VAV2: variants seen among roughly 807,000 people sequenced by gnomAD.
The protein encoded by VAV2 is guanine nucleotide exchange factor VAV2.
A neutral mutation model predicts 132.5 loss-of-function variants in VAV2; 67 were observed. That is an observed-to-expected ratio of 0.51 (90% CI 0.42 to 0.62). The LOEUF is 0.62. Ranked by LOEUF, VAV2 falls within the 20% of genes least tolerant of loss-of-function variation. VAV2 has a pLI of 0.00. For missense variants in VAV2, 938 were observed against 1,153.6 expected, an observed-to-expected ratio of 0.81 and a Z score of 2.71; for synonymous variants, 492 against 443.5, an observed-to-expected ratio of 1.11 and a Z score of -1.37.
chr9:133,836,210 T>A (rs1274969999), intron 3 of VAV2, among the ~76,000 whole-genome samples: 2 of 152,188 alleles, frequency 1.3e-5, no homozygotes, highest in African/African-American at 4.8e-5. Flanking sequence ...TGGAGGGGAC[T>A]GGCCCACACG....
At chr9:133,937,743 C>G (rs1031024064) in intron 2 of VAV2, among the ~76,000 whole-genome samples, 16 of 152,318 alleles carry the variant, frequency 1.1e-4, no homozygotes, top group African/African-American at 3.6e-4. Context: ...ATTCAAGCCT[C>G]CCTGACTCCA....
chr9:133,844,249 T>G (rs1412209791), intron 3 of VAV2, among the ~76,000 whole-genome samples: 4 of 152,178 alleles, frequency 2.6e-5, no homozygotes, highest in Non-Finnish European at 4.4e-5. Context: ...CCAACACGCT[T>G]CTCGTAAGGG....
At chr9:133,792,689 C>CA (rs55644612) in intron 12 of VAV2, among the ~76,000 whole-genome samples, 1 of 109,218 alleles carries the variant, frequency 9.2e-6, no homozygotes. Flanking sequence ...CCCCCCCCCC[C>CA]ACCCCCCACC....
intron 9 of VAV2, among the ~76,000 whole-genome samples, chr9:133,801,382 G>T (rs1313560308): frequency 6.6e-6 from 1 of 152,228 alleles, no homozygotes; most frequent in Non-Finnish European, 1.5e-5. Flanking sequence ...TTCTGAGGTC[G>T]CCCAAGAAGG....
rs146134259 is a variant in VAV2, at chr9:133,938,677, G to A, written c.321+426C>T. On this transcript the variant is annotated intron_variant, in intron 2 of 29. Transcript: ENST00000371850. ...TCCATTTACAGAGCACACAGTAGGC[G>A]CTTTCCCCTCCTCATCTCCCCAGCC... Among the ~76,000 whole-genome samples, 432 of 152,118 alleles carry A rather than the reference G, an allele frequency of 2.8e-3. 4 individuals are homozygous for A. Among genetic ancestry groups the A allele is most frequent in the African/African-American group, 0.01 (418 of 41,494 alleles).
In VAV2 at chr9:133,855,462, G is replaced by A. The variant is rs190714725; in HGVS notation, c.380+5912C>T. On this transcript the variant is annotated intron_variant, in intron 3 of 29. Transcript: ENST00000371850. The stretch of plus-strand genomic sequence containing the variant: ...TTATCAGGGCCAGCCAGCAAGGCAC[G>A]GGGTTCCAGTGCTCTCCCGGCCACT... Among the ~76,000 whole-genome samples, 12 of 152,362 alleles carry A rather than the reference G, an allele frequency of 7.9e-5. No homozygotes were observed. In the East Asian group the frequency reaches 1.5e-3, roughly 20 times the overall value.
At chr9:133,778,968 C>T in intron 21 of VAV2, 79 bp from the exon 22 acceptor site, 2 of 1,564,694 alleles carry the variant, frequency 1.3e-6, no homozygotes, top group Admixed American at 1.7e-5. Flanking sequence ...GCAGCCCACC[C>T]CATCACCAAG....
chr9:133,842,693 T>C (rs60386803), intron 3 of VAV2, among the ~76,000 whole-genome samples: 13,997 of 152,218 alleles, frequency 0.092, 1,395 homozygotes, highest in African/African-American at 0.25. Context: ...GAGGGCCAGG[T>C]GCTGGCCTGG....
At chr9:133,801,564 T>G (rs975929449) in intron 9 of VAV2, among the ~76,000 whole-genome samples, 1 of 152,156 alleles carries the variant, frequency 6.6e-6, no homozygotes, top group South Asian at 2.1e-4. Flanking sequence ...TGCCAGCACC[T>G]GCACACCCCT....
Position 133,802,465 on chromosome 9 carries a change from G to C in VAV2, c.836+3616C>G, listed in dbSNP as rs771102444. 2.0e-5 allele frequency among the ~76,000 whole-genome samples: 3 copies of C among 149,414 alleles called. No homozygotes were observed. The highest frequency in any genetic ancestry group is 4.4e-5 in the Non-Finnish European group (3 of 67,552). On this transcript the variant is annotated intron_variant, in intron 9 of 29. Coordinates refer to ENST00000371850, the MANE Select transcript of VAV2 (RefSeq NM_001134398.2). This position sits in a 1 kb window ranked among gnomAD's most constrained non-coding sequence, Gnocchi z 5.8. ...TGGAGAAAGTTGTTCAGGCGCAAAT[G>C]ATTTCTGTCCTGATAGAGGACATGG... is the stretch of plus-strand genomic sequence containing the variant.
rs1313342488 is a variant in VAV2, at chr9:133,919,493, C to T, written c.321+19610G>A. ...TGTCCCGGCTCCCAGCCCAGGGACT[C>T]ACTGTCCCCCGGGGCCAGGTCGGCT... On this transcript the variant is annotated intron_variant, in intron 2 of 29. Transcript: ENST00000371850. This position sits in a 1 kb window ranked among gnomAD's most constrained non-coding sequence, Gnocchi z 5.8. Among the ~76,000 whole-genome samples, 2 of 152,184 alleles carry T rather than the reference C, an allele frequency of 1.3e-5. No individual in the cohort carries two copies. Among genetic ancestry groups the T allele is most frequent in the African/African-American group, 4.8e-5 (2 of 41,442 alleles).
chr9:133,783,377 A>G, intron 19 of VAV2, 126 bp downstream of exon 19: 1 of 847,996 alleles, frequency 1.2e-6, no homozygotes, highest in Non-Finnish European at 2.0e-6. Context: ...GCACGTGAGC[A>G]CTGGTGCCCT....
Position 133,871,512 on chromosome 9 carries a change from G to C in VAV2, c.322-10080C>G. ...TGGATGGATGGATGGATGGATGGAT[G>C]GATGGTGGGTAGATGGATGCCGACT... On this transcript the variant is annotated intron_variant, in intron 2 of 29. Transcript: ENST00000371850. Among the ~76,000 whole-genome samples the C allele has an allele frequency of 1.3e-5, 2 of 149,200 alleles. 1 individual carries two copies. Among genetic ancestry groups the C allele is most frequent in the Non-Finnish European group, 2.9e-5 (2 of 67,884 alleles).
intron 4 of VAV2, among the ~76,000 whole-genome samples, chr9:133,818,317 G>C (rs1048794995): frequency 9.4e-5 from 14 of 148,790 alleles, no homozygotes; most frequent in African/African-American, 3.2e-4. Context: ...AGTGAGGTGA[G>C]ATCGCGCCAC....
At chr9:133,983,785 C>T (rs1448277650) in intron 1 of VAV2, among the ~76,000 whole-genome samples, 2 of 151,578 alleles carry the variant, frequency 1.3e-5, no homozygotes, top group African/African-American at 2.4e-5. Flanking sequence ...ACAGCCAGGG[C>T]TCCCACCCCA....
At chr9:133,892,725 G>T (rs746716393) in intron 2 of VAV2, among the ~76,000 whole-genome samples, 1 of 152,170 alleles carries the variant, frequency 6.6e-6, no homozygotes, top group Non-Finnish European at 1.5e-5. Flanking sequence ...CTGAGCTGCA[G>T]GGCTAGAGGG....
At chr9:133,815,007 G>A (rs1333581362) in intron 4 of VAV2, among the ~76,000 whole-genome samples, 2 of 152,150 alleles carry the variant, frequency 1.3e-5, no homozygotes, top group East Asian at 3.9e-4. Flanking sequence ...GGAAATACAG[G>A]ATACGATCCA....
chr9:133,766,966 T>G (rs986938656), intron 29 of VAV2, among the ~76,000 whole-genome samples: 7 of 151,674 alleles, frequency 4.6e-5, no homozygotes, highest in African/African-American at 1.7e-4. Flanking sequence ...TAACCTCTAG[T>G]CTAAGGTTAC....
At position 133,939,043 on chromosome 9, in the gene VAV2, T is replaced by G. The variant is rs866293548; in HGVS notation, c.321+60A>C. 5 of 1,514,748 alleles carry G rather than the reference T, an allele frequency of 3.3e-6. No homozygotes were observed. The East Asian group carries it at 1.1e-4, about 34-fold the overall frequency. The allele number at this position is 1,514,748 out of a possible 1,614,324, so 93.8% of individuals were successfully genotyped here. A position where few individuals can be genotyped will look rare whatever the true frequency, so the allele number is the denominator to read the frequency against. Reference sequence around the variant, plus strand: ...TCCATGGATCTGGCCCACCTGCCGCTGAGCCGGCAAATCGGCCACCACAGC... The same window carrying G: ...TCCATGGATCTGGCCCACCTGCCGCGGAGCCGGCAAATCGGCCACCACAGC... On this transcript the variant is annotated intron_variant, in intron 2 of 29. Coordinates refer to ENST00000371850, the MANE Select transcript of VAV2 (RefSeq NM_001134398.2).
Sources: allele counts gnomAD v4.1 joint callset (sites outside exome capture counted in the v4.1 genomes callset), GRCh38; gene constraint gnomAD v4.1.1; non-coding constraint Gnocchi (gnomAD v3.1); transcripts MANE v1.5; gene names NCBI Gene and HGNC (gene_info 2026-07-23, HGNC 2026-07-21).